Variants in TOPAZ1 observed in about 807,000 individuals in gnomAD.
The protein encoded by TOPAZ1 is testis and ovary specific TOPAZ 1.
A neutral mutation model predicts 172.2 loss-of-function variants in TOPAZ1; 66 were observed. The observed-to-expected ratio is 0.38, with a 90% CI of 0.31 to 0.47. The LOEUF is 0.47. Among genes scored for constraint, TOPAZ1 ranks in the 20% least tolerant of loss-of-function variants. The pLI is 0.99. For synonymous variants in TOPAZ1, 681 were observed against 683.9 expected (o/e 1.00, Z 0.07); for missense variants, 1,822 against 1,972.4 (o/e 0.92, Z 1.44).
At chr3:44,294,713 C>G (rs537498789) in intron 12 of TOPAZ1, among the ~76,000 whole-genome samples, 1 of 152,194 alleles carries the variant, frequency 6.6e-6, no homozygotes, top group African/African-American at 2.4e-5. Context: ...AACATGTTGC[C>G]CAGTCTGGTC....
At chr3:44,253,793 A>G (rs940597274) in intron 2 of TOPAZ1, among the ~76,000 whole-genome samples, 30 of 152,238 alleles carry the variant, frequency 2.0e-4, no homozygotes, top group Non-Finnish European at 2.9e-5. Context: ...AAAGAACAGT[A>G]AATACAAAAT....
At chr3:44,262,950 G>T (rs1385343110) in intron 5 of TOPAZ1, among the ~76,000 whole-genome samples, 2 of 152,162 alleles carry the variant, frequency 1.3e-5, no homozygotes, top group Non-Finnish European at 2.9e-5. Context: ...GTGAGGCAAG[G>T]CTCACCCAGG....
intron 9 of TOPAZ1, among the ~76,000 whole-genome samples, chr3:44,283,527 C>T (rs1443282885): frequency 6.6e-6 from 1 of 152,212 alleles, no homozygotes; most frequent in Non-Finnish European, 1.5e-5. Flanking sequence ...CCCCCACCCC[C>T]TGTTTAACCA....
intron 15 of TOPAZ1, among the ~76,000 whole-genome samples, chr3:44,307,529 G>GT (rs773499495): frequency 4.6e-5 from 7 of 152,168 alleles, no homozygotes; most frequent in African/African-American, 1.4e-4. Flanking sequence ...TGGAGTTATA[G>GT]ACTCAAAAAA....
chr3:44,329,413 G>C (rs961802342), intron 19 of TOPAZ1, among the ~76,000 whole-genome samples: 40 of 152,228 alleles, frequency 2.6e-4, no homozygotes, highest in African/African-American at 9.4e-4. Context: ...CACCACATGG[G>C]CCTCTCCATA....
intron 9 of TOPAZ1, among the ~76,000 whole-genome samples, chr3:44,283,158 A>G (rs1170160964): frequency 6.6e-6 from 1 of 152,244 alleles, no homozygotes; most frequent in African/African-American, 2.4e-5. Context: ...CTTTAAAACA[A>G]TGAATGCAGA....
At chr3:44,317,398 G>T (rs1700463354) in intron 16 of TOPAZ1, among the ~76,000 whole-genome samples, 1 of 152,126 alleles carries the variant, frequency 6.6e-6, no homozygotes, top group Non-Finnish European at 1.5e-5. Context: ...TTCAGCCTGG[G>T]CAAGAGAGCA....
chr3:44,274,629 A>G (rs1161017158), intron 8 of TOPAZ1, among the ~76,000 whole-genome samples: 1 of 149,728 alleles, frequency 6.7e-6, no homozygotes, highest in Non-Finnish European at 1.5e-5. Context: ...ATCTCAGCTC[A>G]CTGTAACCTC....
chr3:44,276,647 T>TTTTTTTTTTTTC (rs1699962634), intron 8 of TOPAZ1, among the ~76,000 whole-genome samples: 1 of 86,870 alleles, frequency 1.2e-5, no homozygotes, highest in Non-Finnish European at 2.4e-5. Context: ...TTTTTTTTTT[T>TTTTTTTTTTTTC]TTTTTTCCAG....
rs928611637 is a variant in TOPAZ1, at chr3:44,242,307, G to A, written c.254G>A (p.Arg85His). 37 of 1,551,602 alleles carry A rather than the reference G, an allele frequency of 2.4e-5. No homozygotes were observed. The highest frequency in any genetic ancestry group is 3.1e-5 in the Non-Finnish European group (35 of 1,146,936). ...GKAARRQVEG[R>H]RGPVSPSDSS... Reference sequence around the variant, plus strand: ...GCCGCAAGGCGTCAGGTGGAGGGGCGCAGGGGCCCGGTGAGCCCGTCAGAC... The same window carrying A: ...GCCGCAAGGCGTCAGGTGGAGGGGCACAGGGGCCCGGTGAGCCCGTCAGAC... The change falls in exon 1 of 20, where the codon CGC (arginine) becomes CAC (histidine). Residue 85 changes from arginine (R) to histidine (H), a missense_variant. Physicochemically the swap from Arg to His is conservative, Grantham distance 29. This residue lies in a region of TOPAZ1 where 1,489 missense variants were observed against 1,490.8 expected (regional missense o/e 1.00). Coordinates refer to ENST00000309765, the MANE Select transcript of TOPAZ1 (RefSeq NM_001145030.2).
At chr3:44,318,716 C>T (rs2125704158) in intron 16 of TOPAZ1, among the ~76,000 whole-genome samples, 1 of 150,566 alleles carries the variant, frequency 6.6e-6, no homozygotes, top group South Asian at 2.1e-4. Flanking sequence ...CCAGGGGACT[C>T]ATTTCCCAGC....
Position 44,256,086 on chromosome 3 carries a change from A to G in TOPAZ1, c.2828-65A>G. On this transcript the variant is annotated intron_variant, in intron 3 of 19. Transcript: ENST00000309765. ...TGAATTCTGAGTCATTTTTTAGAAC[A>G]GCCTTTGAATAACTCAGTTATTTTG... The G allele has an allele frequency of 2.4e-6, 3 of 1,246,654 alleles. No individual in the cohort carries two copies. The South Asian group carries it at 5.2e-5, about 21-fold the overall frequency. 77.2% of individuals were successfully genotyped at this position (1,246,654 alleles called of 1,614,324 possible). A position where few individuals can be genotyped will look rare whatever the true frequency, so the allele number is the denominator to read the frequency against.
intron 8 of TOPAZ1, among the ~76,000 whole-genome samples, chr3:44,274,906 GT>G (rs958507479): frequency 6.7e-6 from 1 of 150,158 alleles, no homozygotes; most frequent in African/African-American, 2.5e-5. Context: ...CCACTGGTAG[GT>G]TTTTTTTTAA....
rs1409684892 is a variant in TOPAZ1 at position 44,306,367 on chromosome 3, C to T, written c.4081C>T (p.Leu1361=). Residue 1361 remains leucine, a synonymous_variant, in exon 15 of 20, where the codon CTG becomes TTG. Transcript: ENST00000309765. ...PQNSKVDKGV[L]GRIGISAMYF... ...AAACAGTAAAGTAGATAAAGGTGTA[C>T]TGGGAAGAATTGGAATCAGTGCTAT... 6.5e-7 allele frequency: 1 copy of T among 1,548,870 alleles called. No homozygotes were observed. The highest frequency in any genetic ancestry group is 1.4e-5 in the African/African-American group (1 of 73,128).
rs1303803668 is a variant in TOPAZ1 at position 44,242,052 on chromosome 3, A to C, written c.-2A>C. On this transcript the variant is annotated 5_prime_UTR_variant, in exon 1 of 20. Transcript: ENST00000309765. ...GGCCCCAGCGGGCCGGCCCCGGGGCACATGCGACGACCTCCACCCCTGGGC... is the reference window on the plus strand; with the variant it reads ...GGCCCCAGCGGGCCGGCCCCGGGGCCCATGCGACGACCTCCACCCCTGGGC... The C allele has an allele frequency of 6.5e-7, 1 of 1,543,140 alleles. No individual in the cohort carries two copies. The highest frequency in any genetic ancestry group is 8.7e-7 in the Non-Finnish European group (1 of 1,146,034).
At chr3:44,270,050 A>C (rs1180335152) in intron 7 of TOPAZ1, among the ~76,000 whole-genome samples, 1 of 152,194 alleles carries the variant, frequency 6.6e-6, no homozygotes, top group Non-Finnish European at 1.5e-5. Context: ...AAAACAGCAG[A>C]GGGAGAACAT....
chr3:44,246,261 G>A (rs1180049853), intron 2 of TOPAZ1, among the ~76,000 whole-genome samples: 1 of 131,422 alleles, frequency 7.6e-6, no homozygotes, highest in African/African-American at 3.0e-5. Context: ...ATTCTGTTTG[G>A]CCCCAAATTG....
At chr3:44,242,828 T>G (rs1379577027) in intron 1 of TOPAZ1, 25 bp from the exon 2 acceptor site, 1 of 1,448,352 alleles carries the variant, frequency 6.9e-7, no homozygotes, top group Non-Finnish European at 9.1e-7. Flanking sequence ...AAATCTTTTC[T>G]GATATATTTT....
chr3:44,306,952 C>T (rs762448607), intron 15 of TOPAZ1, among the ~76,000 whole-genome samples: 2 of 152,076 alleles, frequency 1.3e-5, no homozygotes, highest in Non-Finnish European at 2.9e-5. Flanking sequence ...ATTATTTTGC[C>T]AACACCTGAG....
Sources: gnomAD v4.1 joint callset for allele counts (sites outside exome capture counted in the v4.1 genomes callset) on GRCh38, gnomAD v4.1.1 for gene constraint, gnomAD v4.1.1 regional missense constraint, MANE v1.5 for transcripts, NCBI Gene and HGNC (gene_info 2026-07-23, HGNC 2026-07-21) for gene names.